The following PCDH15 variants were observed in gnomAD, a reference collection of about 807,000 sequenced individuals.
PCDH15 encodes protocadherin related 15, also known as protocadherin-15.
PCDH15 carries 129 observed loss-of-function variants against 178.5 expected under a neutral mutation model. That is an observed-to-expected ratio of 0.72 (90% CI 0.63 to 0.84). The LOEUF (loss-of-function observed/expected upper bound fraction) is 0.84. Among genes scored for constraint, PCDH15 ranks in the 40% least tolerant of loss-of-function variants. The probability of loss-of-function intolerance (pLI) is 0.00; values close to 1 mark genes in which losing one functional copy is unlikely to be tolerated. For synonymous variants in PCDH15, 800 were observed against 732.0 expected (o/e 1.09, Z -1.50); for missense variants, 2,230 against 2,099.9 (o/e 1.06, Z -1.21).
chr10:53,918,299 A>C (rs2083698103), intron 25 of PCDH15, among the ~76,000 whole-genome samples: 1 of 152,170 alleles, frequency 6.6e-6, no homozygotes. Flanking sequence ...AGAAACTGAG[A>C]CTCAAGGAGA....
At chr10:54,207,183 A>T (rs10763085) in intron 10 of PCDH15, among the ~76,000 whole-genome samples, 1 of 151,780 alleles carries the variant, frequency 6.6e-6, no homozygotes, top group Non-Finnish European at 1.5e-5. Context: ...CTGTTCTAAC[A>T]CTGCTGCATG....
chr10:54,671,768 A>C (rs541609689), intron 1 of PCDH15, among the ~76,000 whole-genome samples: 1 of 152,324 alleles, frequency 6.6e-6, no homozygotes, highest in Non-Finnish European at 1.5e-5. Flanking sequence ...GTCCATATAG[A>C]GTTTTCAGTC....
chr10:54,705,916 G>A (rs1460285191), intron 1 of PCDH15, among the ~76,000 whole-genome samples: 2 of 152,026 alleles, frequency 1.3e-5, no homozygotes, highest in African/African-American at 2.4e-5. Context: ...GATAGATGTG[G>A]TATCAACGGT....
At chr10:55,571,862 C>A (rs1238804279) in intron 2 of PCDH15, among the ~76,000 whole-genome samples, 1 of 151,982 alleles carries the variant, frequency 6.6e-6, no homozygotes, top group Non-Finnish European at 1.5e-5. Flanking sequence ...GAAATTTATA[C>A]TTTATCATCG....
chr10:54,299,339 GAA>G lies in PCDH15; in HGVS notation c.876+17930_876+17931del, dbSNP rs2060009713. On this transcript the variant is annotated intron_variant, in intron 8 of 37. Transcript: ENST00000644397. ...AGTCAGAAAGAGAAAGACAGACAAA[GAA>G]GAGAGAGACAGACAAGAAGTCAAAG... Among the ~76,000 whole-genome samples the G allele has an allele frequency of 5.3e-5, 8 of 152,176 alleles. No homozygotes were observed. The South Asian group carries it at 1.5e-3, about 28-fold the overall frequency.
intron 26 of PCDH15, among the ~76,000 whole-genome samples, chr10:53,870,709 C>T (rs1387229480): frequency 6.6e-6 from 1 of 152,112 alleles, no homozygotes; most frequent in Non-Finnish European, 1.5e-5. Flanking sequence ...ATTTTAAAAT[C>T]CGAAACCTCT....
At chr10:53,909,955 AG>A (rs1265693779) in intron 25 of PCDH15, among the ~76,000 whole-genome samples, 1 of 152,150 alleles carries the variant, frequency 6.6e-6, no homozygotes, top group East Asian at 1.9e-4. Context: ...GCAGGGGGAG[AG>A]GAGTTCACCA....
At chr10:53,867,038 T>C (rs1254617752) in intron 26 of PCDH15, among the ~76,000 whole-genome samples, 181 bp from the exon 27 acceptor site, 1 of 152,062 alleles carries the variant, frequency 6.6e-6, no homozygotes, top group African/African-American at 2.4e-5. Context: ...GTGTCCACAG[T>C]TTCGAATGGT....
At chr10:55,011,264 G>C (rs965474284) in intron 2 of PCDH15, among the ~76,000 whole-genome samples, 1 of 152,030 alleles carries the variant, frequency 6.6e-6, no homozygotes, top group Admixed American at 6.6e-5. Context: ...ATATATAATT[G>C]AGATTTCAGA....
At chr10:54,315,089 T>A (rs1164999409) in intron 8 of PCDH15, among the ~76,000 whole-genome samples, 1 of 152,170 alleles carries the variant, frequency 6.6e-6, no homozygotes, top group Non-Finnish European at 1.5e-5. Context: ...GAGTTCTTCT[T>A]TTAGCTCTTT....
chr10:54,851,462 A>G (rs1201532255), intron 3 of PCDH15, among the ~76,000 whole-genome samples: 1 of 152,198 alleles, frequency 6.6e-6, no homozygotes, highest in Non-Finnish European at 1.5e-5. Context: ...GCATAAAAAT[A>G]GAACTATGGA....
chr10:53,853,890 A>T (rs1166357959), intron 28 of PCDH15, among the ~76,000 whole-genome samples: 1 of 152,002 alleles, frequency 6.6e-6, no homozygotes, highest in Non-Finnish European at 1.5e-5. Flanking sequence ...CTACCATATG[A>T]TTTAGCAATC....
At chr10:54,565,092 C>G (rs1164245251) in intron 2 of PCDH15, among the ~76,000 whole-genome samples, 1 of 152,132 alleles carries the variant, frequency 6.6e-6, no homozygotes, top group African/African-American at 2.4e-5. Flanking sequence ...AAGCAATAAA[C>G]TCACTTCATT....
At chr10:53,916,425 T>C (rs1204514763) in intron 25 of PCDH15, among the ~76,000 whole-genome samples, 1 of 126,046 alleles carries the variant, frequency 7.9e-6, no homozygotes, top group Non-Finnish European at 1.5e-5. Flanking sequence ...GATGCAAAAT[T>C]GTTTGTTTTC....
chr10:54,483,633 A>C (rs1393071647), intron 3 of PCDH15, among the ~76,000 whole-genome samples: 1 of 151,864 alleles, frequency 6.6e-6, no homozygotes, highest in East Asian at 1.9e-4. Flanking sequence ...GGTGATAAAA[A>C]CAAATGAAAT....
chr10:54,086,051 G>A (rs1381483465), intron 16 of PCDH15, among the ~76,000 whole-genome samples: 1 of 152,040 alleles, frequency 6.6e-6, no homozygotes, highest in East Asian at 1.9e-4. Context: ...ACCTGTCTTA[G>A]TCCATTTGTG....
At chr10:54,058,895 T>C (rs1409199673) in intron 18 of PCDH15, among the ~76,000 whole-genome samples, 4 of 152,100 alleles carry the variant, frequency 2.6e-5, no homozygotes, top group African/African-American at 4.8e-5. Context: ...GATTTCTCCA[T>C]GTTGGTCAGG....
intron 32 of PCDH15, chr10:53,823,552 TGTGA>T (rs1413122729): frequency 9.8e-6 from 7 of 712,024 alleles, no homozygotes; most frequent in Admixed American, 6.5e-5. Context: ...ATCTTAGAGT[TGTGA>T]GAAGAATGAG....
intron 3 of PCDH15, among the ~76,000 whole-genome samples, chr10:54,487,142 T>A (rs183751430): frequency 5.1e-4 from 78 of 152,144 alleles, no homozygotes; most frequent in African/African-American, 1.8e-3. Context: ...GATATATGCA[T>A]AATGGAATAC....
Sources: gnomAD v4.1 joint callset for allele counts (sites outside exome capture counted in the v4.1 genomes callset) on GRCh38, gnomAD v4.1.1 for gene constraint, MANE v1.5 for transcripts, NCBI Gene and HGNC (gene_info 2026-07-23, HGNC 2026-07-21) for gene names.